Variants in EYS observed in about 807,000 individuals in gnomAD.
The protein encoded by EYS is protein eyes shut homolog.
EYS carries 250 observed loss-of-function variants against 282.1 expected under a neutral mutation model. The observed-to-expected ratio is 0.89, with a 90% CI of 0.80 to 0.98. The LOEUF is 0.98. Ranked by LOEUF, EYS falls within the 50% of genes least tolerant of loss-of-function variation. The pLI is 0.00. For synonymous variants in EYS, 1,355 were observed against 1,282.9 expected (o/e 1.06, Z -1.20); for missense variants, 4,016 against 3,709.0 (o/e 1.08, Z -2.15).
chr6:65,683,937 C>T (rs1430416157), intron 1 of EYS, among the ~76,000 whole-genome samples: 1 of 151,946 alleles, frequency 6.6e-6, no homozygotes, highest in African/African-American at 2.4e-5. Context: ...ATTTTCTTTG[C>T]AATAATGCTA....
rs78207465 is a variant in EYS, at chr6:65,398,292, T to C, written c.1184+4186A>G. 9.9e-3 allele frequency among the ~76,000 whole-genome samples: 1,510 copies of C among 152,016 alleles called. 19 individuals are homozygous for C. The highest frequency in any genetic ancestry group is 0.034 in the Middle Eastern group (10 of 294). On this transcript the variant is annotated intron_variant, in intron 7 of 42. Coordinates refer to ENST00000503581, the MANE Select transcript of EYS (RefSeq NM_001142800.2). ...GTATTGATATATAAAAATAGACACA[T>C]AGATTAATGAAACAGAATAGAGAAC...
At chr6:65,289,417 G>A (rs1394741271) in intron 12 of EYS, among the ~76,000 whole-genome samples, 5 of 150,928 alleles carry the variant, frequency 3.3e-5, no homozygotes, top group Admixed American at 6.6e-5. Flanking sequence ...CCACATGGGA[G>A]TATGGTATAT....
chr6:64,792,894 G>A (rs1223144101), intron 22 of EYS, among the ~76,000 whole-genome samples: 1 of 151,686 alleles, frequency 6.6e-6, no homozygotes, highest in African/African-American at 2.4e-5. Flanking sequence ...TAACATTAAG[G>A]GAAGAGCTTT....
intron 2 of EYS, among the ~76,000 whole-genome samples, chr6:65,505,548 CTG>C (rs542063348): frequency 3.3e-5 from 5 of 152,008 alleles, no homozygotes; most frequent in Non-Finnish European, 7.4e-5. Context: ...ACGTTTGTCT[CTG>C]TGCACTGCTT....
At chr6:64,087,652 A>G (rs1772202697) in intron 31 of EYS, among the ~76,000 whole-genome samples, 1 of 152,082 alleles carries the variant, frequency 6.6e-6, no homozygotes, top group Non-Finnish European at 1.5e-5. Context: ...AACTAAAATG[A>G]TCATACATGG....
chr6:63,888,884 G>T (rs1420909656), intron 35 of EYS, among the ~76,000 whole-genome samples: 1 of 152,146 alleles, frequency 6.6e-6, no homozygotes, highest in African/African-American at 2.4e-5. Context: ...AGAAAGCTAA[G>T]AACCTTGATA....
intron 22 of EYS, among the ~76,000 whole-genome samples, chr6:64,778,078 C>T (rs2149991198): frequency 6.6e-6 from 1 of 152,010 alleles, no homozygotes; most frequent in South Asian, 2.1e-4. Context: ...ATGAATAACC[C>T]AAGGTTTCAT....
chr6:64,766,648 AAATATATATATATATAT>A (rs1290100376), intron 22 of EYS, among the ~76,000 whole-genome samples: 3 of 64,632 alleles, frequency 4.6e-5, no homozygotes, highest in African/African-American at 2.3e-4. Flanking sequence ...AAAAAAAAAA[AAATATATATATATATAT>A]ATATATATAT....
intron 26 of EYS, among the ~76,000 whole-genome samples, chr6:64,479,914 C>A (rs1013723668): frequency 2.6e-5 from 4 of 151,752 alleles, no homozygotes; most frequent in Non-Finnish European, 5.9e-5. Flanking sequence ...AATATTGGAG[C>A]AACAACAATA....
chr6:64,125,145 A>ACTCTCT (rs1384733274), intron 31 of EYS, among the ~76,000 whole-genome samples: 26 of 146,784 alleles, frequency 1.8e-4, no homozygotes, highest in East Asian at 7.8e-4. Context: ...ACACACACAC[A>ACTCTCT]CACTCTCTGT....
chr6:65,003,993 C>T (rs1771552889), intron 13 of EYS, among the ~76,000 whole-genome samples: 2 of 147,004 alleles, frequency 1.4e-5, no homozygotes. Context: ...TTACTTTTCC[C>T]TCTTTCCTTC....
intron 40 of EYS, among the ~76,000 whole-genome samples, chr6:63,770,949 A>G (rs1178887631): frequency 6.6e-6 from 1 of 152,072 alleles, no homozygotes. Flanking sequence ...CTGGTGAGAT[A>G]CTCACCTAGG....
intron 2 of EYS, among the ~76,000 whole-genome samples, chr6:65,544,767 A>G: frequency 6.6e-6 from 1 of 152,186 alleles, no homozygotes; most frequent in Non-Finnish European, 1.5e-5. Flanking sequence ...TTTAAATGTG[A>G]AATTTCATGC....
intron 19 of EYS, among the ~76,000 whole-genome samples, chr6:64,855,591 T>C (rs1386060407): frequency 6.6e-6 from 1 of 152,154 alleles, no homozygotes; most frequent in East Asian, 1.9e-4. Flanking sequence ...AATATTAGTG[T>C]GGTACATTAA....
At chr6:64,775,371 G>A (rs556002125) in intron 22 of EYS, among the ~76,000 whole-genome samples, 1 of 151,884 alleles carries the variant, frequency 6.6e-6, no homozygotes, top group Non-Finnish European at 1.5e-5. Flanking sequence ...ATTATCCTGA[G>A]GCAATAGGAT....
intron 11 of EYS, among the ~76,000 whole-genome samples, chr6:65,298,470 T>C (rs540290684): frequency 6.6e-6 from 1 of 152,054 alleles, no homozygotes; most frequent in South Asian, 2.1e-4. Context: ...TATATTTCAT[T>C]ATATTTCATG....
At chr6:65,476,658 C>A (rs1486058352) in intron 5 of EYS, among the ~76,000 whole-genome samples, 1 of 152,012 alleles carries the variant, frequency 6.6e-6, no homozygotes, top group African/African-American at 2.4e-5. Context: ...CTCACTGCAA[C>A]CTCCACCTCC....
chr6:65,385,996 G>A (rs1043611419), intron 7 of EYS, among the ~76,000 whole-genome samples: 1 of 151,874 alleles, frequency 6.6e-6, no homozygotes, highest in Non-Finnish European at 1.5e-5. Flanking sequence ...GCCAAGAGCA[G>A]TTAAAGACAC....
At chr6:65,318,889 G>A (rs763881707) in intron 11 of EYS, among the ~76,000 whole-genome samples, 6 of 150,002 alleles carry the variant, frequency 4.0e-5, no homozygotes, top group Non-Finnish European at 8.9e-5. Context: ...GGATCCACCC[G>A]CCTTGGCCTG....
Sources: gnomAD v4.1 joint callset for allele counts (sites outside exome capture counted in the v4.1 genomes callset) on GRCh38, gnomAD v4.1.1 for gene constraint, MANE v1.5 for transcripts, NCBI Gene and HGNC (gene_info 2026-07-23, HGNC 2026-07-21) for gene names.